The following MDFIC variants were observed in gnomAD, a reference collection of about 807,000 sequenced individuals.
MDFIC encodes MyoD family inhibitor domain containing.
A neutral mutation model predicts 23.2 loss-of-function variants in MDFIC; 17 were observed. The ratio of observed to expected loss-of-function variants is 0.73; its 90% CI spans 0.50 to 1.10. MDFIC has a LOEUF of 1.10. Among genes scored for constraint, MDFIC ranks in the 50% least tolerant of loss-of-function variants. The pLI is 0.00. For synonymous variants in MDFIC, 120 were observed against 115.2 expected (o/e 1.04, Z -0.27); for missense variants, 356 against 316.6 (o/e 1.12, Z -0.95).
rs1261431851 is a variant in MDFIC, at chr7:114,991,295, A to G, written c.493+11514A>G. Reference sequence around the variant, plus strand: ...TTGCAAAAATTTTCTCCAATTCTGTAGGTTGCCTGTTCACTCTGATGGTAG... The same window carrying G: ...TTGCAAAAATTTTCTCCAATTCTGTGGGTTGCCTGTTCACTCTGATGGTAG... On this transcript the variant is annotated intron_variant, in intron 4 of 4. Transcript: ENST00000393486. 2.6e-5 allele frequency among the ~76,000 whole-genome samples: 4 copies of G among 152,228 alleles called. No individual in the cohort carries two copies. The East Asian group carries it at 7.7e-4, about 29-fold the overall frequency.
intron 4 of MDFIC, among the ~76,000 whole-genome samples, chr7:115,015,243 G>C (rs148519499): frequency 6.6e-6 from 1 of 152,102 alleles, no homozygotes. Flanking sequence ...ATTTAAGTTT[G>C]TTCTTTTCCA....
Position 114,922,551 on chromosome 7 carries a change from C to T in MDFIC, c.-193C>T, listed in dbSNP as rs1336181094. The T allele has an allele frequency of 7.9e-7, 1 of 1,267,456 alleles. No individual in the cohort carries two copies. The highest frequency in any genetic ancestry group is 1.0e-6 in the Non-Finnish European group (1 of 1,000,206). 78.5% of individuals were successfully genotyped at this position (1,267,456 alleles called of 1,614,324 possible). On this transcript the variant is annotated 5_prime_UTR_variant, in exon 1 of 5. Coordinates refer to ENST00000393486, the MANE Select transcript of MDFIC (RefSeq NM_001166345.3). ...GGCCACCGGGGCGAAAATGCGGCCG[C>T]TGCCGGAGGCTCGCTAACTTTCCGG...
At chr7:114,935,577 G>A (rs184931967) in intron 2 of MDFIC, among the ~76,000 whole-genome samples, 2 of 151,540 alleles carry the variant, frequency 1.3e-5, no homozygotes, top group Admixed American at 6.6e-5. Context: ...GCCTGGTTCA[G>A]TAGAATATTT....
intron 4 of MDFIC, among the ~76,000 whole-genome samples, chr7:114,997,969 A>G (rs879652720): frequency 1.3e-5 from 2 of 152,192 alleles, no homozygotes; most frequent in Non-Finnish European, 2.9e-5. Context: ...GATATGGCAT[A>G]GTAGATTTAC....
intron 3 of MDFIC, among the ~76,000 whole-genome samples, chr7:114,964,009 T>C (rs1793043739): frequency 6.6e-6 from 1 of 152,220 alleles, no homozygotes; most frequent in Non-Finnish European, 1.5e-5. Flanking sequence ...ATTTTATATA[T>C]AATGGGTATT....
At chr7:114,958,038 A>G (rs190998511) in intron 3 of MDFIC, among the ~76,000 whole-genome samples, 314 of 152,360 alleles carry the variant, frequency 2.1e-3, no homozygotes, top group Non-Finnish European at 3.6e-3. Context: ...TAGCACTCAC[A>G]AAGTAGGAAA....
At chr7:114,955,043 G>A (rs536085151) in intron 3 of MDFIC, among the ~76,000 whole-genome samples, 3 of 151,618 alleles carry the variant, frequency 2.0e-5, no homozygotes, top group East Asian at 1.9e-4. Flanking sequence ...CTTCAGAAAG[G>A]CCTTCCCAGA....
At position 114,977,547 on chromosome 7, in the gene MDFIC, C is replaced by T. The variant is rs137936169; in HGVS notation, c.218-1959C>T. On this transcript the variant is annotated intron_variant, in intron 3 of 4. Coordinates refer to ENST00000393486, the MANE Select transcript of MDFIC (RefSeq NM_001166345.3). The stretch of plus-strand genomic sequence containing the variant: ...TGATCACTTCCAAATGCAAGCCATA[C>T]TTCTCTTCTGGCAGAACTTAGGTCA... Among the ~76,000 whole-genome samples, 316 of 152,290 alleles carry T rather than the reference C, an allele frequency of 2.1e-3. 5 individuals are homozygous for T. In the Middle Eastern group the frequency reaches 0.034, roughly 16 times the overall value.
intron 3 of MDFIC, among the ~76,000 whole-genome samples, chr7:114,949,445 C>T (rs963537500): frequency 2.6e-5 from 4 of 152,084 alleles, no homozygotes; most frequent in Admixed American, 2.6e-4. Flanking sequence ...ATGCTGTGGT[C>T]TAGATAATTT....
chr7:114,922,431 A>G lies in MDFIC; in HGVS notation c.-313A>G, dbSNP rs868428393. 6 of 1,241,508 alleles carry G rather than the reference A, an allele frequency of 4.8e-6. No homozygotes were observed. The highest frequency in any genetic ancestry group is 6.2e-4 in the Middle Eastern group (2 of 3,220). The allele number at this position is 1,241,508 out of a possible 1,614,324, so 76.9% of individuals were successfully genotyped here. On this transcript the variant is annotated 5_prime_UTR_variant, in exon 1 of 5. Coordinates refer to ENST00000393486, the MANE Select transcript of MDFIC (RefSeq NM_001166345.3). ...GAGGGGGCGGAGTGCGCGGAGTCAGAGCCGCCACCGCTGCCGCAGTTGCCG... is the reference window on the plus strand; with the variant it reads ...GAGGGGGCGGAGTGCGCGGAGTCAGGGCCGCCACCGCTGCCGCAGTTGCCG...
At chr7:115,008,620 T>C (rs1791619556) in intron 4 of MDFIC, among the ~76,000 whole-genome samples, 1 of 152,156 alleles carries the variant, frequency 6.6e-6, no homozygotes, top group Admixed American at 6.5e-5. Flanking sequence ...TCCTCTGTCT[T>C]GGAGACATGG....
intron 3 of MDFIC, among the ~76,000 whole-genome samples, chr7:114,971,611 T>A (rs752151424): frequency 6.6e-6 from 1 of 152,212 alleles, no homozygotes; most frequent in African/African-American, 2.4e-5. Flanking sequence ...TGTGCTTTTA[T>A]CCTCAAATGA....
At chr7:114,963,309 A>G (rs1307564255) in intron 3 of MDFIC, among the ~76,000 whole-genome samples, 1 of 152,220 alleles carries the variant, frequency 6.6e-6, no homozygotes, top group African/African-American at 2.4e-5. Context: ...ATAAATATAC[A>G]TCCAGAGGAC....
At chr7:115,003,402 A>C (rs536319156) in intron 4 of MDFIC, among the ~76,000 whole-genome samples, 1 of 152,196 alleles carries the variant, frequency 6.6e-6, no homozygotes, top group Non-Finnish European at 1.5e-5. Context: ...CACACTCAAC[A>C]TATTTTAAAC....
chr7:114,922,949 AG>A lies in MDFIC; in HGVS notation c.-84del. ...CAGAAGCAGTCAGTTCCCTGCACCC[AG>A]CACCTCACAGCCCTTCCTCCGTGCG... On this transcript the variant is annotated 5_prime_UTR_variant, in exon 2 of 5. The change abolishes the stop of an existing upstream ORF in the 5' untranslated region. Transcript: ENST00000393486. 1 of 1,587,868 alleles carries A rather than the reference AG, an allele frequency of 6.3e-7. No individual in the cohort carries two copies. The highest frequency in any genetic ancestry group is 1.1e-5 in the South Asian group (1 of 89,390).
intron 4 of MDFIC, among the ~76,000 whole-genome samples, chr7:114,994,162 G>C (rs1183150974): frequency 6.6e-6 from 1 of 152,070 alleles, no homozygotes; most frequent in African/African-American, 2.4e-5. Context: ...TCAGAGATTA[G>C]GTGTGCAACC....
In MDFIC at chr7:115,001,445, T is replaced by A. The variant is rs184740849; in HGVS notation, c.494-14243T>A. Among the ~76,000 whole-genome samples, 5 of 152,294 alleles carry A rather than the reference T, an allele frequency of 3.3e-5. No homozygotes were observed. The East Asian group carries it at 9.6e-4, about 29-fold the overall frequency. On this transcript the variant is annotated intron_variant, in intron 4 of 4. Transcript: ENST00000393486. ...TTGAAGTTTATTTTTTTCCTAATAA[T>A]TATGCTCAGGGAAGGATGCAGAAAT...
chr7:114,951,031 A>C (rs992575135), intron 3 of MDFIC, among the ~76,000 whole-genome samples: 1 of 152,026 alleles, frequency 6.6e-6, no homozygotes, highest in Non-Finnish European at 1.5e-5. Flanking sequence ...AAACACAAAA[A>C]AATCATTAGC....
intron 2 of MDFIC, among the ~76,000 whole-genome samples, chr7:114,930,809 G>T (rs1021562367): frequency 6.6e-6 from 1 of 152,180 alleles, no homozygotes; most frequent in Admixed American, 6.5e-5. Context: ...ATCTTTCTGA[G>T]ACAATGTAAA....
Sources: allele counts gnomAD v4.1 joint callset (sites outside exome capture counted in the v4.1 genomes callset), GRCh38; gene constraint gnomAD v4.1.1; transcripts MANE v1.5; gene names NCBI Gene and HGNC (gene_info 2026-07-23, HGNC 2026-07-21).